Variants in RBFOX1 observed in about 807,000 individuals in gnomAD.
RBFOX1 encodes the protein RNA binding protein fox-1 homolog 1.
RBFOX1 carries 8 observed loss-of-function variants against 57.7 expected under a neutral mutation model. The observed-to-expected ratio is 0.14, with a 90% CI of 0.08 to 0.25. The LOEUF is 0.25. Ranked by LOEUF, RBFOX1 falls within the 10% of genes least tolerant of loss-of-function variation. The pLI is 1.00. For missense variants in RBFOX1, 611 were observed against 548.5 expected (o/e 1.11, Z -1.14); for synonymous variants, 326 against 222.4 (o/e 1.47, Z -4.15).
At chr16:5,900,816 A>G (rs940617485) in intron 4 of RBFOX1, among the ~76,000 whole-genome samples, 2 of 152,196 alleles carry the variant, frequency 1.3e-5, no homozygotes, top group African/African-American at 4.8e-5. Context: ...ACCACCGTCA[A>G]GACATCCAGG....
intron 3 of RBFOX1, among the ~76,000 whole-genome samples, chr16:6,859,460 A>G (rs2058625633): frequency 6.6e-6 from 1 of 152,012 alleles, no homozygotes; most frequent in South Asian, 2.1e-4. Context: ...CTTGATAAGC[A>G]GAAGAACAGT....
intron 3 of RBFOX1, among the ~76,000 whole-genome samples, chr16:6,691,262 G>C (rs1284595567): frequency 6.6e-6 from 1 of 152,110 alleles, no homozygotes; most frequent in Non-Finnish European, 1.5e-5. Flanking sequence ...TCTATACAGA[G>C]CATCTCGATG....
intron 2 of RBFOX1, among the ~76,000 whole-genome samples, chr16:6,548,015 T>A (rs2096919747): frequency 6.6e-6 from 1 of 152,216 alleles, no homozygotes; most frequent in Non-Finnish European, 1.5e-5. Context: ...CCTTATTATC[T>A]ATTTTCTTAT....
chr16:5,927,563 A>G (rs2058963545), intron 4 of RBFOX1, among the ~76,000 whole-genome samples: 2 of 152,224 alleles, frequency 1.3e-5, no homozygotes, highest in Non-Finnish European at 2.9e-5. Context: ...GTAGAAGTAG[A>G]ACTACCGTAT....
intron 3 of RBFOX1, among the ~76,000 whole-genome samples, chr16:6,735,616 A>C (rs1213509653): frequency 6.6e-6 from 1 of 152,222 alleles, no homozygotes; most frequent in Non-Finnish European, 1.5e-5. Flanking sequence ...AACTTGAAAC[A>C]GAAGTTGTGT....
In RBFOX1 at chr16:7,401,052, G is replaced by T. The variant is rs143619290; in HGVS notation, c.28-117095G>T. Among the ~76,000 whole-genome samples, 378 of 152,312 alleles carry T rather than the reference G, an allele frequency of 2.5e-3. 5 individuals are homozygous for T. In the East Asian group the frequency reaches 0.026, roughly 10 times the overall value. On this transcript the variant is annotated intron_variant, in intron 4 of 15. Coordinates refer to ENST00000550418, the MANE Select transcript of RBFOX1 (RefSeq NM_018723.4). ...ATTGCCCGATGCAGCTGATTCGAGAGGGGGTATCCAAAATACAGTCCCAAG... is the reference window on the plus strand; with the variant it reads ...ATTGCCCGATGCAGCTGATTCGAGATGGGGTATCCAAAATACAGTCCCAAG...
intron 2 of RBFOX1, among the ~76,000 whole-genome samples, chr16:6,501,223 T>A (rs920373136): frequency 6.6e-6 from 1 of 150,776 alleles, no homozygotes; most frequent in South Asian, 2.1e-4. Context: ...ATGTGCCATG[T>A]TGGTGTGCTG....
intron 3 of RBFOX1, among the ~76,000 whole-genome samples, chr16:6,889,026 G>A (rs2064808210): frequency 6.6e-6 from 1 of 152,114 alleles, no homozygotes; most frequent in Admixed American, 6.6e-5. Context: ...AGTCTTCAGG[G>A]AATTGCATGT....
At chr16:5,609,079 T>C (rs2047685572) in intron 3 of RBFOX1, among the ~76,000 whole-genome samples, 1 of 152,176 alleles carries the variant, frequency 6.6e-6, no homozygotes. Flanking sequence ...TACATCTCTG[T>C]AAGGGAGTTC....
At chr16:7,465,333 C>T (rs1032804890) in intron 4 of RBFOX1, among the ~76,000 whole-genome samples, 4 of 152,196 alleles carry the variant, frequency 2.6e-5, no homozygotes, top group Non-Finnish European at 4.4e-5. Flanking sequence ...GGGTGGGATC[C>T]TCTACAAATC....
intron 14 of RBFOX1, among the ~76,000 whole-genome samples, chr16:7,708,358 A>G (rs1713397462): frequency 6.6e-6 from 1 of 152,228 alleles, no homozygotes; most frequent in South Asian, 2.1e-4. Context: ...AGGTAGTAGG[A>G]TGGTAGAGAG....
intron 1 of RBFOX1, among the ~76,000 whole-genome samples, chr16:5,302,609 GTACAGCA>G (rs1567305218): frequency 6.6e-6 from 1 of 152,074 alleles, no homozygotes; most frequent in Non-Finnish European, 1.5e-5. Flanking sequence ...CTGTTAATAG[GTACAGCA>G]TACATTTTTA....
chr16:5,474,454 G>C (rs2069248187), intron 2 of RBFOX1, among the ~76,000 whole-genome samples: 1 of 152,164 alleles, frequency 6.6e-6, no homozygotes, highest in African/African-American at 2.4e-5. Flanking sequence ...AGGAGTTCGA[G>C]ACCAGCCTGG....
chr16:6,064,887 G>A (rs1366933559), intron 1 of RBFOX1, among the ~76,000 whole-genome samples: 7 of 151,824 alleles, frequency 4.6e-5, no homozygotes, highest in Non-Finnish European at 7.4e-5. Flanking sequence ...TAACTTGGAT[G>A]TAGAAACATT....
In RBFOX1 at chr16:6,884,631, G is replaced by T. The variant is rs891688974; in HGVS notation, c.-15-167426G>T. Among the ~76,000 whole-genome samples, 5 of 152,124 alleles carry T rather than the reference G, an allele frequency of 3.3e-5. 1 individual carries two copies. Among genetic ancestry groups the T allele is most frequent in the Admixed American group, 6.5e-5 (1 of 15,280 alleles). ...AAAACTAAATTGGCCAGGTGTGGTG[G>T]CTCACACCTGTAATCCCAGCACTAG... On this transcript the variant is annotated intron_variant, in intron 3 of 15. Coordinates refer to ENST00000550418, the MANE Select transcript of RBFOX1 (RefSeq NM_018723.4).
At chr16:5,796,250 G>A (rs565702370) in intron 3 of RBFOX1, among the ~76,000 whole-genome samples, 24 of 152,200 alleles carry the variant, frequency 1.6e-4, no homozygotes, top group Non-Finnish European at 2.2e-4. Context: ...GGAAGGAAGT[G>A]GATGTGGCCC....
intron 3 of RBFOX1, among the ~76,000 whole-genome samples, chr16:6,952,080 T>G (rs544720134): frequency 5.9e-5 from 9 of 152,324 alleles, no homozygotes; most frequent in African/African-American, 2.2e-4. Flanking sequence ...ACATGTACCT[T>G]TATCTTTCTG....
chr16:6,814,254 G>C (rs1480034688), intron 3 of RBFOX1, among the ~76,000 whole-genome samples: 1 of 132,532 alleles, frequency 7.5e-6, no homozygotes, highest in Non-Finnish European at 1.7e-5. Flanking sequence ...TTGTGGTGGG[G>C]GGGAGGGAGG....
chr16:6,463,732 A>C (rs938746325), intron 2 of RBFOX1, among the ~76,000 whole-genome samples: 4 of 152,224 alleles, frequency 2.6e-5, no homozygotes, highest in Non-Finnish European at 5.9e-5. Flanking sequence ...ATACAGCAGA[A>C]AGATGCTTAC....
Sources: gnomAD v4.1 joint callset for allele counts (sites outside exome capture counted in the v4.1 genomes callset) on GRCh38, gnomAD v4.1.1 for gene constraint, MANE v1.5 for transcripts, NCBI Gene and HGNC (gene_info 2026-07-23, HGNC 2026-07-21) for gene names.